The following GPC6 variants were observed in gnomAD, a reference collection of about 807,000 sequenced individuals.
GPC6 encodes the protein glypican-6.
Under a neutral mutation model 55.2 loss-of-function variants are expected in GPC6, and 14 were observed. The ratio of observed to expected loss-of-function variants is 0.25; its 90% CI spans 0.17 to 0.40. GPC6 has a LOEUF of 0.40. Among genes scored for constraint, GPC6 ranks in the 10% least tolerant of loss-of-function variants. The probability of loss-of-function intolerance (pLI) is 1.00; values close to 1 mark genes in which losing one functional copy is unlikely to be tolerated. For missense variants in GPC6, 641 were observed against 708.5 expected (o/e 0.90, Z 1.08); for synonymous variants, 278 against 259.6 (o/e 1.07, Z -0.68).
At chr13:93,855,368 T>G (rs563097384) in intron 3 of GPC6, among the ~76,000 whole-genome samples, 17 of 151,818 alleles carry the variant, frequency 1.1e-4, no homozygotes, top group African/African-American at 4.1e-4. Flanking sequence ...GCTCATTTCC[T>G]TTTAAGATTC....
chr13:93,241,797 A>C (rs937678205), intron 1 of GPC6, among the ~76,000 whole-genome samples: 3 of 148,430 alleles, frequency 2.0e-5, no homozygotes, highest in South Asian at 2.1e-4. Flanking sequence ...GTTTCTTCTT[A>C]TTATTTTTGA....
intron 1 of GPC6, among the ~76,000 whole-genome samples, chr13:93,443,465 G>T (rs1264013276): frequency 6.6e-6 from 1 of 152,156 alleles, no homozygotes. Flanking sequence ...AAGCACCTTG[G>T]TGGGGGCTAA....
chr13:93,502,896 A>G (rs368188243), intron 1 of GPC6, among the ~76,000 whole-genome samples: 3 of 152,166 alleles, frequency 2.0e-5, no homozygotes, highest in African/African-American at 7.2e-5. Context: ...ACCAGATACT[A>G]TAGATGTAAC....
intron 1 of GPC6, among the ~76,000 whole-genome samples, chr13:93,435,405 C>T (rs1877534162): frequency 6.6e-6 from 1 of 152,124 alleles, no homozygotes; most frequent in Non-Finnish European, 1.5e-5. Flanking sequence ...CGTGAGTCAC[C>T]ATGCCTGGCC....
intron 2 of GPC6, among the ~76,000 whole-genome samples, chr13:93,613,549 A>G (rs751695405): frequency 1.3e-5 from 2 of 151,728 alleles, no homozygotes; most frequent in Non-Finnish European, 2.9e-5. Context: ...ACACACACAC[A>G]CACACACACA....
intron 3 of GPC6, among the ~76,000 whole-genome samples, chr13:93,886,912 T>A (rs1875374766): frequency 6.6e-6 from 1 of 152,054 alleles, no homozygotes; most frequent in South Asian, 2.1e-4. Flanking sequence ...TTTTTTGTTT[T>A]GTTTTATGTG....
chr13:93,434,766 G>C (rs1232446567), intron 1 of GPC6, among the ~76,000 whole-genome samples: 1 of 152,158 alleles, frequency 6.6e-6, no homozygotes, highest in African/African-American at 2.4e-5. Flanking sequence ...GAGTGCAGTG[G>C]CATGATCTCA....
intron 4 of GPC6, among the ~76,000 whole-genome samples, chr13:94,143,332 G>A (rs996554773): frequency 6.6e-6 from 1 of 152,036 alleles, no homozygotes; most frequent in African/African-American, 2.4e-5. Context: ...ATCATTCATA[G>A]GTTTTATTTC....
chr13:93,708,298 A>G (rs1441592771), intron 2 of GPC6, among the ~76,000 whole-genome samples: 2 of 151,794 alleles, frequency 1.3e-5, no homozygotes, highest in Non-Finnish European at 2.9e-5. Context: ...TAAATTTTCA[A>G]TGTACTGGCA....
intron 2 of GPC6, among the ~76,000 whole-genome samples, chr13:93,658,629 C>G (rs1254131820): frequency 6.6e-6 from 1 of 151,486 alleles, no homozygotes. Flanking sequence ...TGATTGATTT[C>G]AAATATTGAA....
At chr13:94,366,256 T>C (rs1879282574) in intron 6 of GPC6, among the ~76,000 whole-genome samples, 2 of 152,232 alleles carry the variant, frequency 1.3e-5, no homozygotes, top group South Asian at 4.1e-4. Context: ...ATTAAACTTT[T>C]TCTCACATTG....
chr13:93,409,506 C>T lies in GPC6; in HGVS notation c.161-135757C>T, dbSNP rs1876417281. 2.0e-5 allele frequency among the ~76,000 whole-genome samples: 3 copies of T among 152,260 alleles called. No individual in the cohort carries two copies. The South Asian group carries it at 6.2e-4, about 32-fold the overall frequency. On this transcript the variant is annotated intron_variant, in intron 1 of 8. Coordinates refer to ENST00000377047, the MANE Select transcript of GPC6 (RefSeq NM_005708.5). ...CATAACTGAAAAAGGGAAGGTGTTG[C>T]CTCAACTAGGGATGGCAAGTGTGTA...
intron 2 of GPC6, among the ~76,000 whole-genome samples, chr13:93,800,871 C>T (rs1031070941): frequency 2.0e-5 from 3 of 152,160 alleles, no homozygotes; most frequent in Non-Finnish European, 4.4e-5. Flanking sequence ...GAACATTTCT[C>T]CTATTCATGA....
rs1388071759 is a variant in GPC6 at position 93,789,501 on chromosome 13, C to CTATATA, written c.320-40652_320-40651insATATAT. Among the ~76,000 whole-genome samples the CTATATA allele has an allele frequency of 1.6e-4, 13 of 78,966 alleles. No homozygotes were observed. In the East Asian group the frequency reaches 3.0e-3, roughly 18 times the overall value. The allele number at this position is 78,966 out of a possible 152,430, so 51.8% of individuals were successfully genotyped here. ...GAGTGAACTCTCTCTCTCTCTCTCT[C>CTATATA]TCTCTCTCTATATATATATATATAT... On this transcript the variant is annotated intron_variant, in intron 2 of 8. Coordinates refer to ENST00000377047, the MANE Select transcript of GPC6 (RefSeq NM_005708.5).
At chr13:94,202,174 T>C (rs1038445594) in intron 4 of GPC6, among the ~76,000 whole-genome samples, 4 of 152,284 alleles carry the variant, frequency 2.6e-5, no homozygotes, top group Middle Eastern at 3.4e-3. Context: ...TTAAAATCCT[T>C]TGTAAATTCT....
intron 4 of GPC6, among the ~76,000 whole-genome samples, chr13:94,173,917 A>C (rs1888659467): frequency 6.6e-6 from 1 of 152,316 alleles, no homozygotes; most frequent in African/African-American, 2.4e-5. Context: ...GTAATTGCAA[A>C]GTGCTCAGGA....
intron 6 of GPC6, among the ~76,000 whole-genome samples, chr13:94,333,533 C>T (rs1335375911): frequency 6.6e-6 from 1 of 152,194 alleles, no homozygotes; most frequent in African/African-American, 2.4e-5. Flanking sequence ...CCTTTAGTTG[C>T]ACTTTGTACA....
chr13:93,682,192 A>G (rs190656851), intron 2 of GPC6, among the ~76,000 whole-genome samples: 6 of 152,284 alleles, frequency 3.9e-5, no homozygotes, highest in Admixed American at 3.9e-4. Context: ...CTTAAGATGA[A>G]AATGCGTTTG....
At chr13:94,343,588 T>C (rs112513037) in intron 6 of GPC6, among the ~76,000 whole-genome samples, 1,850 of 152,174 alleles carry the variant, frequency 0.012, 37 homozygotes, top group African/African-American at 0.042. Context: ...AAATAGAAAA[T>C]TAAGGCTAGG....
Sources: gnomAD v4.1 joint callset for allele counts (sites outside exome capture counted in the v4.1 genomes callset) on GRCh38, gnomAD v4.1.1 for gene constraint, MANE v1.5 for transcripts, NCBI Gene and HGNC (gene_info 2026-07-23, HGNC 2026-07-21) for gene names.